PKIA: variants seen among roughly 807,000 people sequenced by gnomAD.
PKIA encodes cAMP-dependent protein kinase inhibitor alpha.
In PKIA, 4 loss-of-function variants were observed where a neutral mutation model predicts 7.6. That is an observed-to-expected ratio of 0.52 (90% CI 0.26 to 1.20). The LOEUF is 1.20. Ranked by LOEUF, PKIA falls within the 50% of genes most tolerant of loss-of-function variation. PKIA has a pLI of 0.13. For missense variants in PKIA, 73 were observed against 86.2 expected (o/e 0.85, Z 0.61); for synonymous variants, 21 against 30.7 (o/e 0.68, Z 1.04).
At chr8:78,595,638 T>G (rs1808211681) in intron 2 of PKIA, among the ~76,000 whole-genome samples, 1 of 152,168 alleles carries the variant, frequency 6.6e-6, no homozygotes, top group Non-Finnish European at 1.5e-5. Context: ...TTTGTGTCCA[T>G]TTGTACTCAG....
At chr8:78,580,332 C>A (rs920270251) in intron 2 of PKIA, among the ~76,000 whole-genome samples, 2 of 152,070 alleles carry the variant, frequency 1.3e-5, no homozygotes, top group African/African-American at 4.8e-5. Context: ...AGAACCACTT[C>A]TAATATTCTC....
At chr8:78,525,850 G>A (rs1489565356) in intron 1 of PKIA, among the ~76,000 whole-genome samples, 1 of 151,866 alleles carries the variant, frequency 6.6e-6, no homozygotes, top group East Asian at 1.9e-4. Flanking sequence ...TCTAGATCAT[G>A]TTTTTCAGGA....
At chr8:78,520,536 G>A (rs1809396266) in intron 1 of PKIA, among the ~76,000 whole-genome samples, 1 of 152,158 alleles carries the variant, frequency 6.6e-6, no homozygotes, top group Non-Finnish European at 1.5e-5. Context: ...GCTCAGAGAT[G>A]TCACCTGAAT....
At chr8:78,531,028 T>G (rs1030345889) in intron 1 of PKIA, among the ~76,000 whole-genome samples, 1 of 152,086 alleles carries the variant, frequency 6.6e-6, no homozygotes, top group Non-Finnish European at 1.5e-5. Flanking sequence ...TTTCGCCGCC[T>G]ACAAGAAAGC....
chr8:78,563,272 A>T (rs770043146), intron 1 of PKIA, among the ~76,000 whole-genome samples: 110 of 152,314 alleles, frequency 7.2e-4, no homozygotes, highest in Non-Finnish European at 1.4e-3. Flanking sequence ...ATTATACAAG[A>T]TGTATAAGTT....
At chr8:78,519,155 T>G (rs1452836190) in intron 1 of PKIA, among the ~76,000 whole-genome samples, 2 of 151,090 alleles carry the variant, frequency 1.3e-5, no homozygotes, top group Non-Finnish European at 2.9e-5. Flanking sequence ...AGAACTGAAG[T>G]CAGTCTACTG....
rs555694012 is a variant in PKIA at position 78,551,026 on chromosome 8, T to C, written c.-156-21785T>C. 6.1e-4 allele frequency among the ~76,000 whole-genome samples: 93 copies of C among 152,214 alleles called. 1 individual carries two copies. The South Asian group carries it at 0.013, about 21-fold the overall frequency. ...TCTTGACAAGAGACTATGAAGTTTA[T>C]GAGGGCAAGAATCTTGTGTGTTTGT... On this transcript the variant is annotated intron_variant, in intron 1 of 3. Coordinates refer to ENST00000396418, the MANE Select transcript of PKIA (RefSeq NM_006823.4).
At chr8:78,569,315 T>C (rs1807494372) in intron 1 of PKIA, among the ~76,000 whole-genome samples, 1 of 152,160 alleles carries the variant, frequency 6.6e-6, no homozygotes, top group South Asian at 2.1e-4. Flanking sequence ...CCATTCCCAT[T>C]TGAAGGCAAC....
intron 1 of PKIA, among the ~76,000 whole-genome samples, chr8:78,538,482 G>C (rs1054016559): frequency 1.3e-5 from 2 of 152,000 alleles, no homozygotes. Flanking sequence ...GAAGGAAAGA[G>C]GCATTCAAGC....
At chr8:78,518,765 C>A (rs1489515405) in intron 1 of PKIA, among the ~76,000 whole-genome samples, 1 of 152,018 alleles carries the variant, frequency 6.6e-6, no homozygotes, top group Non-Finnish European at 1.5e-5. Context: ...TGAGTTGAAC[C>A]CACTAAGTTA....
intron 2 of PKIA, among the ~76,000 whole-genome samples, chr8:78,591,619 C>T (rs1285994297): frequency 3.3e-5 from 5 of 152,098 alleles, no homozygotes; most frequent in Non-Finnish European, 5.9e-5. Flanking sequence ...TTTAATACAA[C>T]TTTAAATAGT....
At chr8:78,521,197 G>A (rs13275966) in intron 1 of PKIA, among the ~76,000 whole-genome samples, 12,587 of 152,170 alleles carry the variant, frequency 0.083, 576 homozygotes, top group Middle Eastern at 0.17. Context: ...GTTGATTGGT[G>A]TAGTTTACTT....
chr8:78,539,228 T>C (rs1334931725), intron 1 of PKIA, among the ~76,000 whole-genome samples: 1 of 152,086 alleles, frequency 6.6e-6, no homozygotes, highest in Non-Finnish European at 1.5e-5. Context: ...TGATAAGAGA[T>C]TGAGAAAATG....
chr8:78,584,951 T>A (rs1807913472), intron 2 of PKIA, among the ~76,000 whole-genome samples: 1 of 151,942 alleles, frequency 6.6e-6, no homozygotes, highest in South Asian at 2.1e-4. Flanking sequence ...TGGAATAGAG[T>A]CATAATAATA....
chr8:78,560,861 G>A (rs1301080927), intron 1 of PKIA, among the ~76,000 whole-genome samples: 2 of 152,036 alleles, frequency 1.3e-5, no homozygotes, highest in Non-Finnish European at 2.9e-5. Context: ...TATCTCTATT[G>A]GTAGATAGAA....
Position 78,549,746 on chromosome 8 carries a change from A to C in PKIA, c.-156-23065A>C, listed in dbSNP as rs541131968. Among the ~76,000 whole-genome samples the C allele has an allele frequency of 1.7e-3, 251 of 151,536 alleles. 1 individual carries two copies. The highest frequency in any genetic ancestry group is 3.3e-3 in the Non-Finnish European group (222 of 67,810). ...AATACCAAAAAAAAAAAAAAAAAGTAAGAATAAAGCTATTAGGAAAAGCGA... is the reference window on the plus strand; with the variant it reads ...AATACCAAAAAAAAAAAAAAAAAGTCAGAATAAAGCTATTAGGAAAAGCGA... On this transcript the variant is annotated intron_variant, in intron 1 of 3. Transcript: ENST00000396418.
chr8:78,598,552 A>C lies in PKIA; in HGVS notation c.151+17A>C, dbSNP rs1180543224. The C allele has an allele frequency of 1.3e-6, 2 of 1,593,038 alleles. No homozygotes were observed. The highest frequency in any genetic ancestry group is 2.7e-5 in the African/African-American group (2 of 74,360). ...ACAAGACAGGTAAGTCATCTGGCAC[A>C]CATTTCTCTATGAGCATGGAATGAT... is the stretch of plus-strand genomic sequence containing the variant. On this transcript the variant is annotated intron_variant, in intron 3 of 3. Coordinates refer to ENST00000396418, the MANE Select transcript of PKIA (RefSeq NM_006823.4).
At chr8:78,519,400 T>C (rs537958339) in intron 1 of PKIA, among the ~76,000 whole-genome samples, 1 of 152,284 alleles carries the variant, frequency 6.6e-6, no homozygotes, top group East Asian at 1.9e-4. Flanking sequence ...ATGGCACCAC[T>C]GTACTTCAAC....
chr8:78,564,680 T>A (rs1807363307), intron 1 of PKIA, among the ~76,000 whole-genome samples: 2 of 151,886 alleles, frequency 1.3e-5, no homozygotes, highest in African/African-American at 4.8e-5. Flanking sequence ...TATAAAGGTG[T>A]TCATTGTCCT....
Sources: allele counts gnomAD v4.1 joint callset (sites outside exome capture counted in the v4.1 genomes callset), GRCh38; gene constraint gnomAD v4.1.1; transcripts MANE v1.5; gene names NCBI Gene and HGNC (gene_info 2026-07-23, HGNC 2026-07-21).